The following ERBB3 variants were observed in gnomAD, a reference collection of about 807,000 sequenced individuals.
The protein encoded by ERBB3 is receptor tyrosine-protein kinase erbB-3.
Under a neutral mutation model 156.7 loss-of-function variants are expected in ERBB3, and 96 were observed. The observed-to-expected ratio is 0.61, with a 90% CI of 0.52 to 0.73. The LOEUF (loss-of-function observed/expected upper bound fraction) is 0.73, where lower values mean the gene tolerates loss of function less well. Among genes scored for constraint, ERBB3 ranks in the 30% least tolerant of loss-of-function variants. ERBB3 has a pLI of 0.00. For missense variants in ERBB3, 1,406 were observed against 1,709.4 expected (o/e 0.82, Z 3.13); for synonymous variants, 567 against 632.0 (o/e 0.90, Z 1.54).
chr12:56,087,525 C>T (rs1043850451), intron 4 of ERBB3, 52 bp from the exon 5 acceptor site: 1 of 1,472,970 alleles, frequency 6.8e-7, no homozygotes, highest in Admixed American at 1.7e-5. Flanking sequence ...TTGATTAAAA[C>T]AAGCCTTTCT....
intron 1 of ERBB3, chr12:56,083,508 G>A (rs1565855533): frequency 3.7e-6 from 2 of 539,652 alleles, no homozygotes; most frequent in Non-Finnish European, 6.7e-6. Context: ...GGGGTCCCAG[G>A]TTGAAAAAGG....
At chr12:56,098,319 G>A (rs888951034) in intron 21 of ERBB3, 181 bp from the exon 22 acceptor site, 2 of 618,770 alleles carry the variant, frequency 3.2e-6, no homozygotes, top group Non-Finnish European at 5.7e-6. Context: ...GGCTGAGGCA[G>A]GAGAATGGCG....
chr12:56,082,059 A>T (rs550478087), intron 1 of ERBB3, among the ~76,000 whole-genome samples: 2 of 152,196 alleles, frequency 1.3e-5, no homozygotes, highest in Non-Finnish European at 2.9e-5. Flanking sequence ...GGTAGCAGGG[A>T]ACTGGGCTAC....
intron 23 of ERBB3, 54 bp downstream of exon 23, chr12:56,098,959 T>TTC: frequency 6.8e-7 from 1 of 1,465,642 alleles, no homozygotes; most frequent in South Asian, 1.3e-5. Flanking sequence ...TTTTTTCTTT[T>TTC]TTTTTTTTTT....
In ERBB3 at chr12:56,085,077, G is replaced by T. The variant is rs780976894; in HGVS notation, c.317G>T (p.Arg106Leu). Residue 106 changes from arginine to leucine, a missense_variant, in exon 3 of 28, where the codon CGA becomes CTA. By Grantham distance (102) the Arg-to-Leu change is moderately radical (BLOSUM62 -2). This residue lies in a region of ERBB3 where 979 missense variants were observed against 1,219.6 expected (regional missense o/e 0.80). Transcript: ENST00000267101. ...CCATTGCCCAACCTCCGCGTGGTGC[G>T]AGGGACCCAGGTCTACGATGGGAAG... is the stretch of plus-strand genomic sequence containing the variant. ...TLPLPNLRVV[R>L]GTQVYDGKFA... 6.2e-7 allele frequency: 1 copy of T among 1,614,088 alleles called. No homozygotes were observed. The highest frequency in any genetic ancestry group is 8.5e-7 in the Non-Finnish European group (1 of 1,180,020).
intron 21 of ERBB3, 57 bp downstream of exon 21, chr12:56,097,997 G>A (rs920878013): frequency 2.2e-5 from 34 of 1,566,546 alleles, no homozygotes; most frequent in Non-Finnish European, 2.7e-5. Context: ...GGGATAGGGA[G>A]CAGCCAGTGG....
At chr12:56,100,643 TA>T (rs11317236) in intron 26 of ERBB3, among the ~76,000 whole-genome samples, 75,877 of 124,650 alleles carry the variant, frequency 0.61, 21,582 homozygotes, top group South Asian at 0.7. Flanking sequence ...CCCTGTCTCT[TA>T]AAAAAAAAAA....
At chr12:56,087,289 G>A (rs1868517668) in intron 4 of ERBB3, among the ~76,000 whole-genome samples, 1 of 152,064 alleles carries the variant, frequency 6.6e-6, no homozygotes. Flanking sequence ...CATATATTCA[G>A]TTTGCCCAGG....
rs1399363291 is a variant in ERBB3 at position 56,094,145 on chromosome 12, C to G, written c.1660C>G (p.Pro554Ala). 2 of 1,614,108 alleles carry G rather than the reference C, an allele frequency of 1.2e-6. No homozygotes were observed. The highest frequency in any genetic ancestry group is 1.1e-5 in the South Asian group (1 of 91,086). Residue 554 changes from proline (P) to alanine (A), a missense_variant, in exon 14 of 28, where the codon CCG (proline) becomes GCG (alanine). By Grantham distance (27) the Pro-to-Ala change is conservative. Coordinates refer to ENST00000267101, the MANE Select transcript of ERBB3 (RefSeq NM_001982.4). Reference protein sequence around the residue: ...AHEAECFSCHPECQPMEGTAT... With the variant: ...AHEAECFSCHAECQPMEGTAT... ...TGAGGCCGAATGCTTCTCCTGCCAC[C>G]CGGAATGCCAACCCATGGAGGGCAC...
chr12:56,082,960 G>A (rs1024443091), intron 1 of ERBB3, among the ~76,000 whole-genome samples: 2 of 152,166 alleles, frequency 1.3e-5, no homozygotes, highest in African/African-American at 4.8e-5. Flanking sequence ...TGCTGAGGTT[G>A]CTAGAGTGTG....
chr12:56,093,596 G>C, intron 12 of ERBB3, 46 bp downstream of exon 12: 1 of 1,586,066 alleles, frequency 6.3e-7, no homozygotes. Flanking sequence ...GAGTCAGGGA[G>C]GAGAGGGCTG....
At position 56,088,528 on chromosome 12, in the gene ERBB3, C is replaced by T. The variant is rs745658752; in HGVS notation, c.875-15C>T. ...CCTCCCTCATCTCTAATGGTGTCCT[C>T]CTCCTCTTCCCTAGATAACTTTGTG... On this transcript the variant is annotated splice_polypyrimidine_tract_variant and intron_variant, in intron 7 of 27. Transcript: ENST00000267101. The T allele has an allele frequency of 6.3e-7, 1 of 1,576,968 alleles. No individual in the cohort carries two copies. Among genetic ancestry groups the T allele is most frequent in the South Asian group, 1.1e-5 (1 of 90,288 alleles).
chr12:56,086,962 C>CA (rs577636422), intron 4 of ERBB3, among the ~76,000 whole-genome samples: 28 of 151,734 alleles, frequency 1.8e-4, no homozygotes, highest in Non-Finnish European at 3.4e-4. Flanking sequence ...AGTAACATAG[C>CA]AAAAAATCTA....
At chr12:56,083,950 C>T in intron 2 of ERBB3, 48 bp downstream of exon 2, 1 of 1,576,826 alleles carries the variant, frequency 6.3e-7, no homozygotes, top group African/African-American at 1.3e-5. Flanking sequence ...TTTATTCTCC[C>T]CTAGAACCCT....
Position 56,098,496 on chromosome 12 carries a change from G to A in ERBB3, c.2617-4G>A, listed in dbSNP as rs777353067. 81 of 1,602,016 alleles carry A rather than the reference G, an allele frequency of 5.1e-5. No individual in the cohort carries two copies. The South Asian group carries it at 5.1e-4, about 10-fold the overall frequency. The stretch of plus-strand genomic sequence containing the variant: ...CTTGTGATACCTCTATCTTTAATCC[G>A]CAGACTCCAATTAAGTGGATGGCCC... On this transcript the variant is annotated splice_polypyrimidine_tract_variant and splice_region_variant and intron_variant, in intron 21 of 27. Coordinates refer to ENST00000267101, the MANE Select transcript of ERBB3 (RefSeq NM_001982.4).
At position 56,088,155 on chromosome 12, in the gene ERBB3, C is replaced by T. The variant is rs2136795680; in HGVS notation, c.867C>T (p.Ser289=). 1 of 1,614,138 alleles carries T rather than the reference C, an allele frequency of 6.2e-7. No individual in the cohort carries two copies. The highest frequency in any genetic ancestry group is 1.3e-5 in the African/African-American group (1 of 75,040). The change falls in exon 7 of 28, where the codon AGC becomes AGT. Residue 289 remains serine (S), a synonymous_variant. Coordinates refer to ENST00000267101, the MANE Select transcript of ERBB3 (RefSeq NM_001982.4). The part of the protein sequence containing the change: ...KYQYGGVCVA[S]CPHNFVVDQT... ...AGTATGGAGGAGTTTGTGTAGCCAG[C>T]TGTCCCCGTAAGTGTCTGAGGGGAA... is the stretch of plus-strand genomic sequence containing the variant.
Position 56,101,630 on chromosome 12 carries a change from C to T in ERBB3, c.3604C>T (p.Arg1202Trp), listed in dbSNP as rs758455948. Residue 1202 changes from arginine to tryptophan, a missense_variant, in exon 28 of 28, where the codon CGG (arginine) becomes TGG (tryptophan). By Grantham distance (101) the Arg-to-Trp change is moderately radical. This residue lies in a region of ERBB3 where 415 missense variants were observed against 454.1 expected (regional missense o/e 0.91). Transcript: ENST00000267101. The stretch of plus-strand genomic sequence containing the variant: ...AGATGAGGAGTATGAATACATGAAC[C>T]GGAGGAGAAGGCACAGTCCACCTCA... ...DEDEEYEYMN[R>W]RRRHSPPHPP... 44 of 1,613,824 alleles carry T rather than the reference C, an allele frequency of 2.7e-5. No homozygotes were observed. The East Asian group carries it at 6.7e-4, about 25-fold the overall frequency.
intron 23 of ERBB3, among the ~76,000 whole-genome samples, chr12:56,099,166 G>A (rs563841213): frequency 3.0e-4 from 46 of 151,854 alleles, no homozygotes; most frequent in Non-Finnish European, 1.3e-4. Flanking sequence ...ATGTTGGCCA[G>A]GCTGGTCTCA....
intron 7 of ERBB3, 105 bp downstream of exon 7, chr12:56,088,267 T>C (rs1033520312): frequency 6.2e-6 from 8 of 1,287,360 alleles, no homozygotes; most frequent in South Asian, 3.7e-5. Context: ...AATAGGGAGA[T>C]TGGTGAATGG....
Sources: allele counts gnomAD v4.1 joint callset (sites outside exome capture counted in the v4.1 genomes callset), GRCh38; gene constraint gnomAD v4.1.1; regional missense constraint gnomAD v4.1.1; transcripts MANE v1.5; gene names NCBI Gene and HGNC (gene_info 2026-07-23, HGNC 2026-07-21).